The following ZNF813 variants were observed in gnomAD, a reference collection of about 807,000 sequenced individuals.
ZNF813 encodes the protein zinc finger protein 813.
A neutral mutation model predicts 7.2 loss-of-function variants in ZNF813; 3 were observed. The observed-to-expected ratio is 0.42, with a 90% CI of 0.19 to 1.08. ZNF813 has a LOEUF of 1.08. Ranked by LOEUF, ZNF813 falls within the 50% of genes least tolerant of loss-of-function variation. The pLI is 0.30. For missense variants in ZNF813, 714 were observed against 753.3 expected (o/e 0.95, Z 0.61); for synonymous variants, 227 against 256.3 (o/e 0.89, Z 1.09).
chr19:53,491,859 A>G lies in ZNF813; in HGVS notation c.1627A>G (p.Arg543Gly). ...NRKTHLAHHH[R>G]LHTGDKPYKC... The stretch of plus-strand genomic sequence containing the variant: ...AAAAACACACCTTGCACATCATCAT[A>G]GACTTCATACTGGAGATAAACCTTA... The change falls in exon 4 of 4, where the codon AGA (arginine) becomes GGA (glycine). Residue 543 changes from arginine (R) to glycine (G), a missense_variant. Arg to Gly is a moderately radical substitution (Grantham distance 125). Around this residue, in one of 3 missense-constraint regions of ZNF813, gnomAD observed 122 missense variants for 146.8 expected, o/e 0.83. Coordinates refer to ENST00000396403, the MANE Select transcript of ZNF813 (RefSeq NM_001004301.4). The G allele has an allele frequency of 6.2e-7, 1 of 1,613,454 alleles. No homozygotes were observed. The highest frequency in any genetic ancestry group is 8.5e-7 in the Non-Finnish European group (1 of 1,179,500).
At position 53,471,602 on chromosome 19, in the gene ZNF813, GATCAAGACC is replaced by G. The variant is rs555769271; in HGVS notation, c.-74+3817_-74+3825del. Among the ~76,000 whole-genome samples the G allele has an allele frequency of 8.2e-4, 125 of 152,102 alleles. 1 individual carries two copies. Among genetic ancestry groups the G allele is most frequent in the Admixed American group, 2.1e-3 (32 of 15,272 alleles). On this transcript the variant is annotated intron_variant, in intron 1 of 3. Coordinates refer to ENST00000396403, the MANE Select transcript of ZNF813 (RefSeq NM_001004301.4). ...ATGCGGGTGGATCACAAGGTCAGGA[GATCAAGACC>G]ATCCTGGCTAACACGGTGAAACCCC...
At chr19:53,483,905 G>C in intron 2 of ZNF813, 68 bp downstream of exon 2, 5 of 1,612,794 alleles carry the variant, frequency 3.1e-6, no homozygotes, top group Non-Finnish European at 4.2e-6. Context: ...TTGGAGTTGG[G>C]AATCTTCTCT....
rs969559054 is a variant in ZNF813 at position 53,493,278 on chromosome 19, G to A, written c.*1192G>A. ...ACTGATAGGGATTTTTATGGGTACC[G>A]TGTTGAATCTAAATCACATTGGGTT... On this transcript the variant is annotated 3_prime_UTR_variant, in exon 4 of 4. Coordinates refer to ENST00000396403, the MANE Select transcript of ZNF813 (RefSeq NM_001004301.4). 2.8e-5 allele frequency: 5 copies of A among 178,486 alleles called. No homozygotes were observed. Among genetic ancestry groups the A allele is most frequent in the Non-Finnish European group, 4.7e-5 (4 of 84,662 alleles). 11.1% of individuals were successfully genotyped at this position (178,486 alleles called of 1,614,324 possible).
chr19:53,485,617 T>C (rs554218017), intron 2 of ZNF813, among the ~76,000 whole-genome samples: 2 of 92,674 alleles, frequency 2.2e-5, no homozygotes, highest in East Asian at 6.9e-4. Context: ...TCGTGATATA[T>C]ACATGCATGT....
chr19:53,471,265 T>C (rs369034486), intron 1 of ZNF813, among the ~76,000 whole-genome samples: 22 of 152,258 alleles, frequency 1.4e-4, no homozygotes, highest in African/African-American at 4.1e-4. Context: ...TGCACAGATC[T>C]AATAGAGACC....
rs1398213687 is a variant in ZNF813, at chr19:53,493,657, AC to A, written c.*1572del. 6.6e-5 allele frequency: 10 copies of A among 152,360 alleles called. No homozygotes were observed. The highest frequency in any genetic ancestry group is 2.4e-4 in the African/African-American group (10 of 41,580). 9.4% of individuals were successfully genotyped at this position (152,360 alleles called of 1,614,324 possible). On this transcript the variant is annotated 3_prime_UTR_variant, in exon 4 of 4. Transcript: ENST00000396403. ...TGCTGATATTGTACTGTGCAGATAC[AC>A]TGAATCTGTTTATTACTTCCAGTAG...
In ZNF813 at chr19:53,491,518, A is replaced by G. The variant is rs1375586651; in HGVS notation, c.1286A>G (p.His429Arg). ...AATAAAAAGGCAAACCTTGCACGTCATCATAGACTTCATAGTGGAGAGAAA... is the reference window on the plus strand; with the variant it reads ...AATAAAAAGGCAAACCTTGCACGTCGTCATAGACTTCATAGTGGAGAGAAA... ...VFNKKANLAR[H>R]HRLHSGEKPY... is the part of the protein sequence containing the mutation. Residue 429 changes from histidine (H) to arginine (R), a missense_variant, in exon 4 of 4, where the codon CAT (histidine) becomes CGT (arginine). Physicochemically the swap from His to Arg is conservative, Grantham distance 29 (BLOSUM62 0). Around this residue, in one of 3 missense-constraint regions of ZNF813, gnomAD observed 563 missense variants for 554.2 expected, o/e 1.02. Coordinates refer to ENST00000396403, the MANE Select transcript of ZNF813 (RefSeq NM_001004301.4). The G allele has an allele frequency of 1.9e-6, 3 of 1,613,958 alleles. No homozygotes were observed. The highest frequency in any genetic ancestry group is 2.2e-5 in the East Asian group (1 of 44,868).
chr19:53,483,174 T>C (rs2086417465), intron 1 of ZNF813, among the ~76,000 whole-genome samples: 1 of 149,296 alleles, frequency 6.7e-6, no homozygotes, highest in Non-Finnish European at 1.5e-5. Flanking sequence ...CCTTCCAGAG[T>C]GCTAGTATTA....
intron 2 of ZNF813, among the ~76,000 whole-genome samples, chr19:53,485,196 C>T (rs1387044103): frequency 6.6e-6 from 1 of 152,150 alleles, no homozygotes; most frequent in African/African-American, 2.4e-5. Flanking sequence ...AAGATCCCTC[C>T]AGGTCAGGCA....
In ZNF813 at chr19:53,482,695, C is replaced by T. The variant is rs191082648; in HGVS notation, c.-73-1055C>T. 2.3e-3 allele frequency among the ~76,000 whole-genome samples: 340 copies of T among 146,124 alleles called. 3 individuals carry two copies. Among genetic ancestry groups the T allele is most frequent in the African/African-American group, 7.5e-3 (299 of 39,764 alleles). ...GGTTCTATTATCTCTGCATCAATCACATCAGGAATGCTTTTTGTTTTTTTT... is the reference window on the plus strand; with the variant it reads ...GGTTCTATTATCTCTGCATCAATCATATCAGGAATGCTTTTTGTTTTTTTT... On this transcript the variant is annotated intron_variant, in intron 1 of 3. Transcript: ENST00000396403.
rs915225764 is a variant in ZNF813, at chr19:53,469,802, A to T, written c.-74+2013A>T. Reference sequence around the variant, plus strand: ...ATCTAGGCTGCCAGAGAGTGGGGACAGGGGGTATAACAGGGAAGAGAGAAT... The same window carrying T: ...ATCTAGGCTGCCAGAGAGTGGGGACTGGGGGTATAACAGGGAAGAGAGAAT... On this transcript the variant is annotated intron_variant, in intron 1 of 3. Transcript: ENST00000396403. Among the ~76,000 whole-genome samples the T allele has an allele frequency of 1.1e-4, 15 of 137,666 alleles. 1 individual carries two copies. Among genetic ancestry groups the T allele is most frequent in the East Asian group, 4.2e-4 (2 of 4,748 alleles). The allele number at this position is 137,666 out of a possible 152,430, so 90.3% of individuals were successfully genotyped here.
At chr19:53,475,497 C>A (rs111391255) in intron 1 of ZNF813, among the ~76,000 whole-genome samples, 1 of 152,284 alleles carries the variant, frequency 6.6e-6, no homozygotes, top group African/African-American at 2.4e-5. Context: ...GCAGAATAGC[C>A]GGGTTAGGGT....
At chr19:53,485,459 C>T (rs899162575) in intron 2 of ZNF813, among the ~76,000 whole-genome samples, 4 of 152,106 alleles carry the variant, frequency 2.6e-5, no homozygotes. Context: ...ACAACTTTTA[C>T]AGTTTGAAAA....
At chr19:53,471,643 A>G (rs548752673) in intron 1 of ZNF813, among the ~76,000 whole-genome samples, 1 of 151,950 alleles carries the variant, frequency 6.6e-6, no homozygotes, top group African/African-American at 2.4e-5. Flanking sequence ...CCCCGTCTGT[A>G]CTAAAAATAC....
rs2086474160 is a variant in ZNF813, at chr19:53,493,670, ATTAC to A, written c.*1587_*1590del. 6.6e-6 allele frequency: 1 copy of A among 152,236 alleles called. No individual in the cohort carries two copies. Among genetic ancestry groups the A allele is most frequent in the Non-Finnish European group, 1.5e-5 (1 of 68,034 alleles). 9.4% of individuals were successfully genotyped at this position (152,236 alleles called of 1,614,324 possible). On this transcript the variant is annotated 3_prime_UTR_variant, in exon 4 of 4. Transcript: ENST00000396403. ...CTGTGCAGATACACTGAATCTGTTT[ATTAC>A]TTCCAGTAGTATTTTGGTTGAGTCT...
chr19:53,478,151 C>G (rs1306046312), intron 1 of ZNF813, among the ~76,000 whole-genome samples: 1 of 152,044 alleles, frequency 6.6e-6, no homozygotes, highest in Non-Finnish European at 1.5e-5. Flanking sequence ...TCTGTTATTA[C>G]ATAATACTTT....
chr19:53,476,813 G>A (rs1243644151), intron 1 of ZNF813, among the ~76,000 whole-genome samples: 1 of 151,924 alleles, frequency 6.6e-6, no homozygotes, highest in Non-Finnish European at 1.5e-5. Context: ...ACAGGGGCCC[G>A]CCACCACGCC....
rs1326380593 is a variant in ZNF813, at chr19:53,493,256, GAT to G, written c.*1172_*1173del. On this transcript the variant is annotated 3_prime_UTR_variant, in exon 4 of 4. Transcript: ENST00000396403. ...TGCTTTTTGTTCTTTAACAAAAACTGATAGGGATTTTTATGGGTACCGTGTTG... is the reference window on the plus strand; with the variant it reads ...TGCTTTTTGTTCTTTAACAAAAACTGAGGGATTTTTATGGGTACCGTGTTG... 5.3e-6 allele frequency: 1 copy of G among 186,916 alleles called. No homozygotes were observed. The highest frequency in any genetic ancestry group is 1.5e-4 in the East Asian group (1 of 6,752). 11.6% of individuals were successfully genotyped at this position (186,916 alleles called of 1,614,324 possible).
chr19:53,486,311 G>A (rs112567866), intron 2 of ZNF813, among the ~76,000 whole-genome samples: 2 of 151,862 alleles, frequency 1.3e-5, no homozygotes, highest in African/African-American at 4.9e-5. Flanking sequence ...ACTGGCCATG[G>A]TGGTGCGTGC....
Sources: gnomAD v4.1 joint callset for allele counts (sites outside exome capture counted in the v4.1 genomes callset) on GRCh38, gnomAD v4.1.1 for gene constraint, gnomAD v4.1.1 regional missense constraint, MANE v1.5 for transcripts, NCBI Gene and HGNC (gene_info 2026-07-23, HGNC 2026-07-21) for gene names.